The following IL1RAPL1 variants were observed in gnomAD, a reference collection of about 807,000 sequenced individuals.
IL1RAPL1 encodes the protein interleukin 1 receptor accessory protein like 1.
Under a neutral mutation model 48.4 loss-of-function variants are expected in IL1RAPL1, and 3 were observed. That is an observed-to-expected ratio of 0.06 (90% confidence interval 0.03 to 0.16). The LOEUF (loss-of-function observed/expected upper bound fraction) is 0.16, where lower values mean the gene tolerates loss of function less well. IL1RAPL1 is among the 10% of genes least tolerant of loss of function. The pLI, the probability that IL1RAPL1 is intolerant of heterozygous loss-of-function variation, is 1.00. For missense variants in IL1RAPL1, 349 were observed against 530.6 expected, an observed-to-expected ratio of 0.66 and a Z score of 3.36; for synonymous variants, 185 against 187.7, an observed-to-expected ratio of 0.99 and a Z score of 0.12.
Position 29,624,410 on chromosome X carries a change from C to T in IL1RAPL1, c.704-44020C>T, listed in dbSNP as rs191551584. Among the ~76,000 whole-genome samples, 5 of 112,537 alleles carry T rather than the reference C, an allele frequency of 4.4e-5. No homozygotes were observed. The East Asian group carries it at 1.4e-3, about 31-fold the overall frequency. On this transcript the variant is annotated intron_variant, in intron 5 of 10. Coordinates refer to ENST00000378993, the MANE Select transcript of IL1RAPL1 (RefSeq NM_014271.4). Reference sequence around the variant, plus strand: ...ACTTTAGTATTCACTATTTAAACTACGTGGCTTTTTAATAAGTAAATCAAC... The same window carrying T: ...ACTTTAGTATTCACTATTTAAACTATGTGGCTTTTTAATAAGTAAATCAAC...
rs919612495 is a variant in IL1RAPL1 at position 29,149,593 on chromosome X, C to A, written c.83-133345C>A. Among the ~76,000 whole-genome samples the A allele has an allele frequency of 2.7e-5, 3 of 111,539 alleles. No individual in the cohort carries two copies. The Admixed American group carries it at 2.9e-4, about 11-fold the overall frequency. On this transcript the variant is annotated intron_variant, in intron 2 of 10. Transcript: ENST00000378993. ...GAAAGAAACCTGAGCAACCACGGAGCCCAACCCTCTCTTTTTCTCCAGTAA... is the reference window on the plus strand; with the variant it reads ...GAAAGAAACCTGAGCAACCACGGAGACCAACCCTCTCTTTTTCTCCAGTAA...
chrX:29,829,569 A>C (rs547768313), intron 6 of IL1RAPL1, among the ~76,000 whole-genome samples: 1 of 111,643 alleles, frequency 9.0e-6, no homozygotes, highest in African/African-American at 3.2e-5. Context: ...AGTGTAGTCA[A>C]AACACATGAC....
chrX:28,941,934 T>A (rs1924172431), intron 2 of IL1RAPL1: 1 of 109,389 alleles, frequency 9.1e-6, no homozygotes, highest in South Asian at 4.0e-4. Flanking sequence ...TTCTTGGTGG[T>A]CTCAAAGATA....
At position 29,125,722 on chromosome X, in the gene IL1RAPL1, G is replaced by A. The variant is rs1359559353; in HGVS notation, c.83-157216G>A. The stretch of plus-strand genomic sequence containing the variant: ...GAACATCAGGAGTTTAAGAAACTGG[G>A]GTTTTTGTTTTGACTGCCATCATTT... On this transcript the variant is annotated intron_variant, in intron 2 of 10. Coordinates refer to ENST00000378993, the MANE Select transcript of IL1RAPL1 (RefSeq NM_014271.4). Among the ~76,000 whole-genome samples, 5 of 111,165 alleles carry A rather than the reference G, an allele frequency of 4.5e-5. No homozygotes were observed. In the East Asian group the frequency reaches 1.4e-3, roughly 31 times the overall value.
At chrX:29,554,984 C>G (rs769894974) in intron 5 of IL1RAPL1, among the ~76,000 whole-genome samples, 38 of 112,397 alleles carry the variant, frequency 3.4e-4, no homozygotes, top group Admixed American at 1.1e-3. Flanking sequence ...TAACCTTTTG[C>G]TGCAGATATT....
chrX:28,693,672 G>A (rs1157511414), intron 1 of IL1RAPL1, among the ~76,000 whole-genome samples: 6 of 112,041 alleles, frequency 5.4e-5, no homozygotes, highest in Non-Finnish European at 9.4e-5. Context: ...TTGAGTTCAA[G>A]TGAATTTGAT....
intron 5 of IL1RAPL1, among the ~76,000 whole-genome samples, chrX:29,461,886 G>A (rs1205884394): frequency 9.0e-6 from 1 of 111,691 alleles, no homozygotes; most frequent in African/African-American, 3.3e-5. Flanking sequence ...CTACAAATTG[G>A]CATGAAGAAA....
chrX:28,618,465 A>G (rs1934246701), intron 1 of IL1RAPL1, among the ~76,000 whole-genome samples: 1 of 112,272 alleles, frequency 8.9e-6, no homozygotes. Context: ...TATTTTAACA[A>G]TAAAGCTCTT....
chrX:29,073,012 T>C (rs778749327), intron 2 of IL1RAPL1, among the ~76,000 whole-genome samples: 19 of 111,640 alleles, frequency 1.7e-4, no homozygotes, highest in African/African-American at 6.2e-4. Context: ...CACAGCAGCC[T>C]TGTGCTAGTG....
intron 2 of IL1RAPL1, among the ~76,000 whole-genome samples, chrX:28,911,525 A>T (rs1210587803): frequency 9.0e-6 from 1 of 111,249 alleles, no homozygotes; most frequent in East Asian, 2.8e-4. Context: ...TAGTTCAAAT[A>T]TCACTTCCTC....
chrX:28,778,550 C>T (rs911250349), intron 1 of IL1RAPL1, among the ~76,000 whole-genome samples: 4 of 111,729 alleles, frequency 3.6e-5, no homozygotes, highest in African/African-American at 6.5e-5. Context: ...ATGATGAATA[C>T]GAAAGGCGTA....
chrX:29,205,150 A>G (rs894309258), intron 2 of IL1RAPL1, among the ~76,000 whole-genome samples: 1 of 111,642 alleles, frequency 9.0e-6, no homozygotes, highest in Non-Finnish European at 1.9e-5. Flanking sequence ...CCCATAGACC[A>G]AGGTTGAGGC....
At chrX:28,691,661 C>T (rs1194192229) in intron 1 of IL1RAPL1, among the ~76,000 whole-genome samples, 2 of 111,547 alleles carry the variant, frequency 1.8e-5, no homozygotes, top group Non-Finnish European at 3.8e-5. Flanking sequence ...CACTCTTCTT[C>T]TTCCCTCCCT....
rs1224143283 is a variant in IL1RAPL1 at position 28,617,553 on chromosome X, G to A, written c.-25+29506G>A. 2.7e-5 allele frequency among the ~76,000 whole-genome samples: 3 copies of A among 111,834 alleles called. No individual in the cohort carries two copies. In the East Asian group the frequency reaches 8.5e-4, roughly 32 times the overall value. The stretch of plus-strand genomic sequence containing the variant: ...GGACCTCAAATATAGCCTTTAGCAA[G>A]CAGAGGCTAGCTCATAGAGCATGCT... On this transcript the variant is annotated intron_variant, in intron 1 of 10. Transcript: ENST00000378993.
At chrX:29,826,202 A>G (rs1450304935) in intron 6 of IL1RAPL1, among the ~76,000 whole-genome samples, 1 of 111,436 alleles carries the variant, frequency 9.0e-6, no homozygotes, top group Non-Finnish European at 1.9e-5. Context: ...CAAACCAACC[A>G]AATTCCATTG....
chrX:28,741,727 G>T (rs1935909502), intron 1 of IL1RAPL1, among the ~76,000 whole-genome samples: 1 of 111,786 alleles, frequency 8.9e-6, no homozygotes, highest in African/African-American at 3.2e-5. Context: ...CCTCACCTTT[G>T]TCAGCAAATA....
At chrX:29,318,474 T>G (rs1170303716) in intron 3 of IL1RAPL1, among the ~76,000 whole-genome samples, 1 of 112,407 alleles carries the variant, frequency 8.9e-6, no homozygotes, top group Non-Finnish European at 1.9e-5. Flanking sequence ...TTGGTGGGCA[T>G]GAAGTAAAAG....
intron 6 of IL1RAPL1, among the ~76,000 whole-genome samples, chrX:29,737,572 CAGTG>C (rs1346331592): frequency 8.9e-6 from 1 of 112,009 alleles, no homozygotes; most frequent in East Asian, 2.8e-4. Context: ...ATAAGGGTCT[CAGTG>C]AGATCTTCAA....
chrX:29,127,888 C>T (rs754351079), intron 2 of IL1RAPL1, among the ~76,000 whole-genome samples: 2 of 108,663 alleles, frequency 1.8e-5, no homozygotes, highest in Non-Finnish European at 3.8e-5. Flanking sequence ...TGCTCGAACC[C>T]GGGAGGCAGA....
Sources: gnomAD v4.1 joint callset for allele counts (sites outside exome capture counted in the v4.1 genomes callset) on GRCh38, gnomAD v4.1.1 for gene constraint, MANE v1.5 for transcripts, NCBI Gene and HGNC (gene_info 2026-07-23, HGNC 2026-07-21) for gene names.